LIMD1: variants seen among roughly 807,000 people sequenced by gnomAD.
LIMD1 encodes LIM domain containing 1, also known as LIM domain-containing protein 1.
Under a neutral mutation model 58.4 loss-of-function variants are expected in LIMD1, and 23 were observed. The observed-to-expected ratio is 0.39, with a 90% CI of 0.28 to 0.56. LIMD1 has a LOEUF of 0.56. LIMD1 is among the 20% of genes least tolerant of loss of function. The pLI is 0.57. For synonymous variants in LIMD1, 334 were observed against 345.5 expected, an observed-to-expected ratio of 0.97 and a Z score of 0.37; for missense variants, 838 against 855.5, an observed-to-expected ratio of 0.98 and a Z score of 0.25.
intron 1 of LIMD1, among the ~76,000 whole-genome samples, chr3:45,622,866 C>G (rs965243991): frequency 2.6e-5 from 4 of 152,096 alleles, no homozygotes; most frequent in African/African-American, 7.2e-5. Flanking sequence ...CAGGGTTTCA[C>G]CATGTTGGCC....
intron 1 of LIMD1, among the ~76,000 whole-genome samples, chr3:45,615,738 T>G (rs1295664397): frequency 6.6e-6 from 1 of 151,850 alleles, no homozygotes. Context: ...CCTGGGTGGG[T>G]TGACAACTTG....
chr3:45,595,360 G>A lies in LIMD1; in HGVS notation c.481G>A (p.Ala161Thr), dbSNP rs991871473. ...GAGCCTGGCGACTTCTGAGATGTCT[G>A]CTTTCCACCAGCCAGGCCCCTGTGA... is the stretch of plus-strand genomic sequence containing the variant. ...RESLATSEMSAFHQPGPCEDP... is the reference protein window; with the variant it reads ...RESLATSEMSTFHQPGPCEDP... The change falls in exon 1 of 8, where the codon GCT becomes ACT. Residue 161 changes from alanine (A) to threonine (T), a missense_variant. This residue lies in a region of LIMD1 where 659 missense variants were observed against 639.8 expected (regional missense o/e 1.03). Coordinates refer to ENST00000273317, the MANE Select transcript of LIMD1 (RefSeq NM_014240.3). 48 of 1,613,602 alleles carry A rather than the reference G, an allele frequency of 3.0e-5. No individual in the cohort carries two copies. The East Asian group carries it at 9.8e-4, about 33-fold the overall frequency.
At chr3:45,640,738 T>A (rs568731589) in intron 2 of LIMD1, among the ~76,000 whole-genome samples, 1 of 152,312 alleles carries the variant, frequency 6.6e-6, no homozygotes, top group East Asian at 1.9e-4. Context: ...CCCTTGTTGG[T>A]GTTATTACAT....
chr3:45,608,359 T>G (rs1701487942), intron 1 of LIMD1, among the ~76,000 whole-genome samples: 1 of 152,190 alleles, frequency 6.6e-6, no homozygotes, highest in Non-Finnish European at 1.5e-5. Context: ...AGAACTTGCT[T>G]CGGACACCTT....
Position 45,601,949 on chromosome 3 carries a change from T to TA in LIMD1, c.1408+5662_1408+5663insA, listed in dbSNP as rs200750505. Among the ~76,000 whole-genome samples the TA allele has an allele frequency of 2.7e-3, 407 of 151,390 alleles. 1 individual carries two copies. The highest frequency in any genetic ancestry group is 5.7e-3 in the Admixed American group (87 of 15,216). On this transcript the variant is annotated intron_variant, in intron 1 of 7. Coordinates refer to ENST00000273317, the MANE Select transcript of LIMD1 (RefSeq NM_014240.3). ...CCATATTTCAGGCTGTGGACTTTTT[T>TA]TTTTTTTTTTTGAGACAGAGTCTCG...
chr3:45,676,939 C>A lies in LIMD1; in HGVS notation c.1911C>A (p.Leu637=). ...CCCCACAGGACTGTGGTCTGGAGCT[C>A]AATGATGAAGATGGCCACCGCTGTT... is the stretch of plus-strand genomic sequence containing the variant. ...CYHCEDCGLE[L]NDEDGHRCYP... Residue 637 remains leucine, a synonymous_variant, in exon 8 of 8, where the codon CTC becomes CTA. Coordinates refer to ENST00000273317, the MANE Select transcript of LIMD1 (RefSeq NM_014240.3). The A allele has an allele frequency of 6.2e-7, 1 of 1,614,170 alleles. No homozygotes were observed. Among genetic ancestry groups the A allele is most frequent in the Non-Finnish European group, 8.5e-7 (1 of 1,180,012 alleles).
At chr3:45,608,856 AAAG>A (rs1701494075) in intron 1 of LIMD1, among the ~76,000 whole-genome samples, 1 of 151,588 alleles carries the variant, frequency 6.6e-6, no homozygotes, top group South Asian at 2.1e-4. Context: ...AAAAAAAAAA[AAAG>A]AAGGAGAATG....
In LIMD1 at chr3:45,595,606, A is replaced by C. The variant is rs1459701703; in HGVS notation, c.727A>C (p.Ser243Arg). 1.1e-5 allele frequency: 17 copies of C among 1,614,106 alleles called. No individual in the cohort carries two copies. The South Asian group carries it at 1.3e-4, about 13-fold the overall frequency. ...GAGCTCCAGCAGGTCTTCTGAGGGTAGCCTCGGTGGTCAGAATAGTGGCAT... is the reference window on the plus strand; with the variant it reads ...GAGCTCCAGCAGGTCTTCTGAGGGTCGCCTCGGTGGTCAGAATAGTGGCAT... ...SLSSSRSSEG[S>R]LGGQNSGIGG... Residue 243 changes from serine (S) to arginine (R), a missense_variant, in exon 1 of 8, where the codon AGC becomes CGC. Transcript: ENST00000273317.
At chr3:45,620,329 A>G (rs1013878372) in intron 1 of LIMD1, among the ~76,000 whole-genome samples, 2 of 152,248 alleles carry the variant, frequency 1.3e-5, no homozygotes, top group Admixed American at 1.3e-4. Context: ...TGTAACCCAG[A>G]GAATAAAATA....
intron 1 of LIMD1, among the ~76,000 whole-genome samples, chr3:45,634,122 C>T (rs894205368): frequency 1.3e-5 from 2 of 152,010 alleles, no homozygotes; most frequent in Non-Finnish European, 2.9e-5. Flanking sequence ...TTTTTTGAGA[C>T]GACCTTTTAA....
At chr3:45,618,332 C>T (rs1004421138) in intron 1 of LIMD1, among the ~76,000 whole-genome samples, 1 of 152,140 alleles carries the variant, frequency 6.6e-6, no homozygotes, top group Non-Finnish European at 1.5e-5. Flanking sequence ...GGCACCTGCT[C>T]AGGTCAAAAG....
At chr3:45,675,463 A>G (rs1457889583) in intron 7 of LIMD1, among the ~76,000 whole-genome samples, 1 of 152,134 alleles carries the variant, frequency 6.6e-6, no homozygotes, top group African/African-American at 2.4e-5. Context: ...TGGGAAGTGG[A>G]GGTTGCAGTG....
chr3:45,606,147 A>G (rs1349670941), intron 1 of LIMD1, among the ~76,000 whole-genome samples: 2 of 152,194 alleles, frequency 1.3e-5, no homozygotes, highest in East Asian at 1.9e-4. Flanking sequence ...ACGTTGTTCA[A>G]TCCTCCCAAC....
rs2125645033 is a variant in LIMD1 at position 45,594,824 on chromosome 3, CACACACACACACACACACACG to C, written c.-55_-35del. 1.2e-6 allele frequency: 1 copy of C among 823,582 alleles called. No homozygotes were observed. Among genetic ancestry groups the C allele is most frequent in the Non-Finnish European group, 1.9e-6 (1 of 540,492 alleles). The allele number at this position is 823,582 out of a possible 1,614,324, so 51.0% of individuals were successfully genotyped here. A position where few individuals can be genotyped will look rare whatever the true frequency, so the allele number is the denominator to read the frequency against. On this transcript the variant is annotated 5_prime_UTR_variant, in exon 1 of 8. Coordinates refer to ENST00000273317, the MANE Select transcript of LIMD1 (RefSeq NM_014240.3). ...ACACACACACACACACACACACACA[CACACACACACACACACACACG>C]GCACCTGGGCTAGGCCCGGACACCT...
At chr3:45,616,873 T>TA (rs2125652778) in intron 1 of LIMD1, among the ~76,000 whole-genome samples, 1 of 151,212 alleles carries the variant, frequency 6.6e-6, no homozygotes, top group South Asian at 2.1e-4. Flanking sequence ...AAGCTGAGGT[T>TA]ACAGGTGTGC....
At chr3:45,672,855 T>G in intron 5 of LIMD1, 35 bp downstream of exon 5, 3 of 1,611,174 alleles carry the variant, frequency 1.9e-6, no homozygotes, top group Non-Finnish European at 2.5e-6. Context: ...GACCCATTCG[T>G]GTAGGCCAAG....
chr3:45,624,708 G>A (rs1235372576), intron 1 of LIMD1, among the ~76,000 whole-genome samples: 1 of 152,058 alleles, frequency 6.6e-6, no homozygotes, highest in African/African-American at 2.4e-5. Flanking sequence ...GGGCGACAGA[G>A]CGAGACTCCG....
intron 2 of LIMD1, among the ~76,000 whole-genome samples, chr3:45,663,271 A>G (rs1697467741): frequency 6.6e-6 from 1 of 152,206 alleles, no homozygotes; most frequent in African/African-American, 2.4e-5. Context: ...GTGAACATCC[A>G]TACATGTCTG....
chr3:45,636,323 G>GA (rs67855297), intron 2 of LIMD1, 72 bp downstream of exon 2: 1 of 1,114,348 alleles, frequency 9.0e-7, no homozygotes, highest in Non-Finnish European at 1.3e-6. Context: ...AGGGAGGAGA[G>GA]AGATCATCTT....
Sources: gnomAD v4.1 joint callset for allele counts (sites outside exome capture counted in the v4.1 genomes callset) on GRCh38, gnomAD v4.1.1 for gene constraint, gnomAD v4.1.1 regional missense constraint, MANE v1.5 for transcripts, NCBI Gene and HGNC (gene_info 2026-07-23, HGNC 2026-07-21) for gene names.